The following FBXL13 variants were observed in gnomAD, a reference collection of about 807,000 sequenced individuals.
The protein encoded by FBXL13 is F-box and leucine-rich repeat protein 13.
In FBXL13, 67 loss-of-function variants were observed where a neutral mutation model predicts 83.6. That is an observed-to-expected ratio of 0.80 (90% CI 0.66 to 0.98). The LOEUF is 0.98. FBXL13 is among the 50% of genes least tolerant of loss of function. The pLI is 0.00. For missense variants in FBXL13, 822 were observed against 866.5 expected (o/e 0.95, Z 0.64); for synonymous variants, 272 against 299.5 (o/e 0.91, Z 0.95).
At chr7:102,910,496 G>A (rs1814483084) in intron 11 of FBXL13, among the ~76,000 whole-genome samples, 1 of 151,774 alleles carries the variant, frequency 6.6e-6, no homozygotes, top group Admixed American at 6.6e-5. Context: ...CGTGGCTCGG[G>A]CTCCAATCTC....
At chr7:103,024,405 G>A (rs1191486699) in intron 6 of FBXL13, among the ~76,000 whole-genome samples, 1 of 151,568 alleles carries the variant, frequency 6.6e-6, no homozygotes, top group Non-Finnish European at 1.5e-5. Flanking sequence ...GTGGGCACCT[G>A]TAATCCCAGC....
chr7:102,817,620 T>C lies in FBXL13; in HGVS notation c.2019-4089A>G, dbSNP rs190531610. On this transcript the variant is annotated intron_variant, in intron 19 of 19. Coordinates refer to ENST00000313221, the Ensembl canonical transcript of FBXL13. ...TGTATTTTGAATCGTATCAGGAAAGTTAAAAATGTAGAAACTATATTTCTG... is the reference window on the plus strand; with the variant it reads ...TGTATTTTGAATCGTATCAGGAAAGCTAAAAATGTAGAAACTATATTTCTG... 3.9e-4 allele frequency among the ~76,000 whole-genome samples: 60 copies of C among 152,318 alleles called. 1 individual carries two copies. In the East Asian group the frequency reaches 8.5e-3, roughly 22 times the overall value.
Position 102,991,025 on chromosome 7 carries a change from TAA to T in FBXL13, c.496-22910_496-22909del, listed in dbSNP as rs944132863. On this transcript the variant is annotated intron_variant, in intron 6 of 19. Coordinates refer to ENST00000313221, the Ensembl canonical transcript of FBXL13. ...ACAACTCTGGTGGACAAATGAAAAA[TAA>T]GTCAGGTGGTCAAAGTCAACAGTCA... Among the ~76,000 whole-genome samples the T allele has an allele frequency of 9.4e-4, 143 of 152,058 alleles. 1 individual carries two copies. The highest frequency in any genetic ancestry group is 9.4e-3 in the Admixed American group (143 of 15,280).
intron 6 of FBXL13, among the ~76,000 whole-genome samples, chr7:102,994,994 G>A (rs527572105): frequency 6.3e-4 from 96 of 152,200 alleles, no homozygotes; most frequent in African/African-American, 2.1e-3. Flanking sequence ...TTTCAGATTC[G>A]CACATAAAAT....
At chr7:103,040,746 T>C (rs972712829) in intron 2 of FBXL13, among the ~76,000 whole-genome samples, 1 of 151,958 alleles carries the variant, frequency 6.6e-6, no homozygotes, top group African/African-American at 2.4e-5. Context: ...AATAATAAAA[T>C]TAAGGCAGAA....
intron 9 of FBXL13, among the ~76,000 whole-genome samples, chr7:102,929,459 C>T (rs377054388): frequency 1.3e-4 from 20 of 151,826 alleles, no homozygotes; most frequent in East Asian, 5.8e-4. Flanking sequence ...CTCAGGAGTT[C>T]GAGACCAGCC....
intron 2 of FBXL13, among the ~76,000 whole-genome samples, chr7:103,037,303 G>A (rs943613281): frequency 1.3e-5 from 2 of 152,150 alleles, no homozygotes; most frequent in Non-Finnish European, 2.9e-5. Flanking sequence ...TCAACCAACT[G>A]ATTCTTATTT....
intron 10 of FBXL13, among the ~76,000 whole-genome samples, chr7:102,918,977 A>G (rs964854533): frequency 3.3e-5 from 5 of 152,220 alleles, no homozygotes; most frequent in Non-Finnish European, 5.9e-5. Context: ...GTGGTATTCA[A>G]TATTACAGGA....
intron 6 of FBXL13, among the ~76,000 whole-genome samples, chr7:103,011,634 T>A (rs2129486558): frequency 7.4e-6 from 1 of 135,438 alleles, no homozygotes. Flanking sequence ...TAAGACTCTG[T>A]CTCAAAAAAA....
At position 102,963,515 on chromosome 7, in the gene FBXL13, T is replaced by C. The variant is rs975305167; in HGVS notation, c.724+18A>G. On this transcript the variant is annotated intron_variant, in intron 8 of 19. Transcript: ENST00000313221. Reference sequence around the variant, plus strand: ...AATACAGGAAAGCAAGACAAATAGTTGTAATGAACATACTTACTGACAGAT... The same window carrying C: ...AATACAGGAAAGCAAGACAAATAGTCGTAATGAACATACTTACTGACAGAT... 5.6e-6 allele frequency: 9 copies of C among 1,604,758 alleles called. No homozygotes were observed. The African/African-American group carries it at 1.2e-4, about 22-fold the overall frequency.
intron 6 of FBXL13, among the ~76,000 whole-genome samples, chr7:103,011,606 C>A (rs1229275875): frequency 1.3e-5 from 2 of 150,500 alleles, no homozygotes; most frequent in Admixed American, 1.3e-4. Flanking sequence ...CCACTACACT[C>A]CAGCCTGGGA....
chr7:102,887,413 A>G (rs905441382), intron 11 of FBXL13, among the ~76,000 whole-genome samples: 2 of 141,978 alleles, frequency 1.4e-5, no homozygotes, highest in Admixed American at 6.8e-5. Context: ...ATATACATAC[A>G]TACACACACA....
At chr7:103,026,601 G>GATTATAAACTTTA (rs1344898425) in intron 5 of FBXL13, among the ~76,000 whole-genome samples, 24 of 152,200 alleles carry the variant, frequency 1.6e-4, no homozygotes, top group Non-Finnish European at 2.9e-4. Context: ...AACTTCTAGA[G>GATTATAAACTTTA]AGCATCTCAA....
intron 16 of FBXL13, among the ~76,000 whole-genome samples, chr7:102,866,378 C>CT (rs1807653575): frequency 6.6e-6 from 1 of 151,790 alleles, no homozygotes; most frequent in African/African-American, 2.4e-5. Context: ...TTGATGGGAC[C>CT]AACATAGTCA....
chr7:102,926,488 G>A, intron 9 of FBXL13, 114 bp from the exon 11 acceptor site: 2 of 726,844 alleles, frequency 2.8e-6, no homozygotes, highest in African/African-American at 1.8e-5. Context: ...TGTAAGAGTT[G>A]GTTTCTTCAT....
At chr7:102,975,887 T>C in intron 6 of FBXL13, 1 of 743,076 alleles carries the variant, frequency 1.3e-6, no homozygotes, top group Non-Finnish European at 2.5e-6. Flanking sequence ...GCCTCCTCCA[T>C]CAGGGGCCCT....
At chr7:103,044,976 A>G (rs1041319907) in intron 2 of FBXL13, among the ~76,000 whole-genome samples, 11 of 152,260 alleles carry the variant, frequency 7.2e-5, no homozygotes, top group Admixed American at 1.3e-4. Context: ...TGATAAAAGA[A>G]AAACTTCAGC....
chr7:102,893,885 GAA>G (rs1811874907), intron 11 of FBXL13, among the ~76,000 whole-genome samples: 2 of 147,854 alleles, frequency 1.4e-5, no homozygotes, highest in South Asian at 4.3e-4. Context: ...GAAAGAAAAA[GAA>G]AGAGAGGAAG....
downstream of FBXL13, among the ~76,000 whole-genome samples, chr7:102,811,463 T>G (rs945638851): frequency 4.6e-5 from 7 of 152,210 alleles, no homozygotes; most frequent in African/African-American, 1.7e-4. Flanking sequence ...TTTTCTTCAT[T>G]TATGTAGCTG....
Sources: gnomAD v4.1 joint callset for allele counts (sites outside exome capture counted in the v4.1 genomes callset) on GRCh38, gnomAD v4.1.1 for gene constraint, MANE v1.5 for transcripts, NCBI Gene and HGNC (gene_info 2026-07-23, HGNC 2026-07-21) for gene names.